The following DOK7 variants were observed in gnomAD, a reference collection of about 807,000 sequenced individuals.
DOK7 encodes the protein docking protein 7.
DOK7 carries 32 observed loss-of-function variants against 30.7 expected under a neutral mutation model. That is an observed-to-expected ratio of 1.04 (90% CI 0.79 to 1.40). DOK7 has a LOEUF of 1.40. DOK7 is among the 40% of genes most tolerant of loss of function. The probability of loss-of-function intolerance (pLI) is 0.00; values close to 1 mark genes in which losing one functional copy is unlikely to be tolerated. For synonymous variants in DOK7, 447 were observed against 324.1 expected (o/e 1.38, Z -4.07); for missense variants, 1,007 against 699.2 (o/e 1.44, Z -4.97).
intron 4 of DOK7, among the ~76,000 whole-genome samples, chr4:3,482,553 T>G (rs924656751): frequency 6.6e-6 from 1 of 152,250 alleles, no homozygotes; most frequent in Non-Finnish European, 1.5e-5. Flanking sequence ...CTGGCTGGCT[T>G]CGATTCCAGG....
chr4:3,468,610 G>A lies in DOK7; in HGVS notation c.101-4796G>A, dbSNP rs369452261. Among the ~76,000 whole-genome samples the A allele has an allele frequency of 4.2e-3, 633 of 151,250 alleles. 7 individuals are homozygous for A. The highest frequency in any genetic ancestry group is 0.014 in the African/African-American group (592 of 41,168). ...TGAGTGTGCGTGTATTGGTGTGTGC[G>A]TGCCTTTGTGTGTGCGTGTGTATAT... On this transcript the variant is annotated intron_variant, in intron 2 of 6. Coordinates refer to ENST00000340083, the MANE Select transcript of DOK7 (RefSeq NM_173660.5).
chr4:3,466,126 A>G (rs1418792101), intron 2 of DOK7, among the ~76,000 whole-genome samples: 1 of 151,232 alleles, frequency 6.6e-6, no homozygotes, highest in Non-Finnish European at 1.5e-5. Flanking sequence ...GGGGAAGCTG[A>G]AACTCAGAAA....
intron 2 of DOK7, among the ~76,000 whole-genome samples, chr4:3,467,243 G>A (rs191706776): frequency 0.014 from 1,972 of 142,556 alleles, 37 homozygotes; most frequent in African/African-American, 0.047. Context: ...GGGCCACCAT[G>A]CCTGCTTGCT....
rs1727737206 is a variant in DOK7 at position 3,485,721 on chromosome 4, G to A, written c.652+63G>A. ...TCGGCAGGCTGTGCGACGTCCCGGGGCGGGGGGCCACAGTGATTTGTCAGC... is the reference window on the plus strand; with the variant it reads ...TCGGCAGGCTGTGCGACGTCCCGGGACGGGGGGCCACAGTGATTTGTCAGC... On this transcript the variant is annotated intron_variant, in intron 5 of 6. Coordinates refer to ENST00000340083, the MANE Select transcript of DOK7 (RefSeq NM_173660.5). 5 of 1,434,572 alleles carry A rather than the reference G, an allele frequency of 3.5e-6. No homozygotes were observed. The African/African-American group carries it at 5.8e-5, about 17-fold the overall frequency. 88.9% of individuals were successfully genotyped at this position (1,434,572 alleles called of 1,614,324 possible). A position where few individuals can be genotyped will look rare whatever the true frequency, so the allele number is the denominator to read the frequency against.
rs373249066 is a variant in DOK7, at chr4:3,478,862, G to A, written c.532+2320G>A. Among the ~76,000 whole-genome samples the A allele has an allele frequency of 3.0e-4, 45 of 152,318 alleles. No individual in the cohort carries two copies. In the South Asian group the frequency reaches 9.3e-3, roughly 32 times the overall value. ...TAGGCTGGGTCTTAGACTCGGCCAAGCGGTGGTGTTCTCAACGCAGCACTG... is the reference window on the plus strand; with the variant it reads ...TAGGCTGGGTCTTAGACTCGGCCAAACGGTGGTGTTCTCAACGCAGCACTG... On this transcript the variant is annotated intron_variant, in intron 4 of 6. Transcript: ENST00000340083.
chr4:3,488,191 G>T (rs958654006), intron 5 of DOK7, among the ~76,000 whole-genome samples: 1 of 152,222 alleles, frequency 6.6e-6, no homozygotes, highest in Admixed American at 6.5e-5. Context: ...GGCTGGCAGG[G>T]CCCCAGGCTG....
chr4:3,493,865 C>T lies in DOK7; in HGVS notation c.*364C>T. The T allele has an allele frequency of 8.8e-7, 1 of 1,136,930 alleles. No individual in the cohort carries two copies. Among genetic ancestry groups the T allele is most frequent in the Non-Finnish European group, 1.1e-6 (1 of 926,120 alleles). The allele number at this position is 1,136,930 out of a possible 1,614,324, so 70.4% of individuals were successfully genotyped here. ...CTGGAGGCCCTGCCGCTGGCCTTGTCCTCCTTGGGCCTCACGCCCCCTTCG... is the reference window on the plus strand; with the variant it reads ...CTGGAGGCCCTGCCGCTGGCCTTGTTCTCCTTGGGCCTCACGCCCCCTTCG... On this transcript the variant is annotated 3_prime_UTR_variant, in exon 7 of 7. Coordinates refer to ENST00000340083, the MANE Select transcript of DOK7 (RefSeq NM_173660.5).
downstream of DOK7, among the ~76,000 whole-genome samples, chr4:3,495,711 A>G (rs928007161): frequency 6.6e-6 from 1 of 152,110 alleles, no homozygotes; most frequent in Non-Finnish European, 1.5e-5. Flanking sequence ...ACGGCCCTGG[A>G]GCACCTGGGC....
Position 3,476,393 on chromosome 4 carries a change from C to G in DOK7, c.383C>G (p.Pro128Arg), listed in dbSNP as rs376659660. 9.9e-6 allele frequency: 16 copies of G among 1,613,106 alleles called. No individual in the cohort carries two copies. In the East Asian group the frequency reaches 2.7e-4, roughly 27 times the overall value. ...CCAGGCACCAAGTTGGAGAGCGGCC[C>G]GGCTACCCTGCACCTCTGCAATGAT... ...VAPGTKLESG[P>R]ATLHLCNDVL... is the part of the protein sequence containing the mutation. Residue 128 changes from proline to arginine, a missense_variant, in exon 4 of 7, where the codon CCG (proline) becomes CGG (arginine). Coordinates refer to ENST00000340083, the MANE Select transcript of DOK7 (RefSeq NM_173660.5).
chr4:3,493,733 C>T lies in DOK7; in HGVS notation c.*232C>T, dbSNP rs965129595. The T allele has an allele frequency of 3.9e-5, 55 of 1,422,160 alleles. No individual in the cohort carries two copies. Among genetic ancestry groups the T allele is most frequent in the Admixed American group, 2.1e-4 (7 of 33,702 alleles). The allele number at this position is 1,422,160 out of a possible 1,614,324, so 88.1% of individuals were successfully genotyped here. A position where few individuals can be genotyped will look rare whatever the true frequency, so the allele number is the denominator to read the frequency against. On this transcript the variant is annotated 3_prime_UTR_variant, in exon 7 of 7. Coordinates refer to ENST00000340083, the MANE Select transcript of DOK7 (RefSeq NM_173660.5). ...GGCTCTGGGTCCGGCAGGTCGGGGT[C>T]ACCAGAGCCCCAATGCTCAGCTGCT...
Position 3,489,682 on chromosome 4 carries a change from A to T in DOK7, c.658A>T (p.Ser220Cys). 6.4e-7 allele frequency: 1 copy of T among 1,566,036 alleles called. No homozygotes were observed. Among genetic ancestry groups the T allele is most frequent in the Non-Finnish European group, 8.7e-7 (1 of 1,155,608 alleles). The change falls in exon 6 of 7, where the codon AGT becomes TGT. Residue 220 changes from serine (S) to cysteine (C), a missense_variant. Transcript: ENST00000340083. ...GAGTCTTCTCTCTGCCACAGACCCA[A>T]GTCCCCCGGGACCCTCGACTGTGGA... ...FGLRPVLPDPSPPGPSTVEER... is the reference protein window; with the variant it reads ...FGLRPVLPDPCPPGPSTVEER...
At chr4:3,485,981 C>T (rs1211365602) in intron 5 of DOK7, among the ~76,000 whole-genome samples, 3 of 151,998 alleles carry the variant, frequency 2.0e-5, no homozygotes, top group Non-Finnish European at 4.4e-5. Context: ...GACCCTCTGA[C>T]CCACCACCAC....
At chr4:3,494,603 C>T (rs571506245), downstream of DOK7, 811 of 849,948 alleles carry the variant, frequency 9.5e-4, no homozygotes, top group Admixed American at 1.6e-3. Flanking sequence ...TCAGAGAGTG[C>T]GAGAGGCCTC....
chr4:3,477,855 G>A lies in DOK7; in HGVS notation c.532+1313G>A, dbSNP rs539241684. On this transcript the variant is annotated intron_variant, in intron 4 of 6. Coordinates refer to ENST00000340083, the MANE Select transcript of DOK7 (RefSeq NM_173660.5). ...GGGGGTGGGGTGGGGGGTGGTTCCC[G>A]GGAGAGCTAGGACACCTGTCGGGGT... 3.6e-3 allele frequency among the ~76,000 whole-genome samples: 554 copies of A among 152,188 alleles called. 2 individuals are homozygous for A. Among genetic ancestry groups the A allele is most frequent in the African/African-American group, 0.013 (520 of 41,504 alleles).
chr4:3,475,297 G>A (rs1233954457), intron 3 of DOK7, among the ~76,000 whole-genome samples: 6 of 152,268 alleles, frequency 3.9e-5, no homozygotes, highest in Admixed American at 1.3e-4. Context: ...GCTGGGCACC[G>A]CCCAGGCAGC....
chr4:3,463,451 G>C (rs1726079112), intron 1 of DOK7, 22 bp downstream of exon 1: 1 of 84,146 alleles, frequency 1.2e-5, no homozygotes, highest in Non-Finnish European at 1.5e-5. Context: ...TCGGGGGCGC[G>C]GGGGGGGGGG....
rs1421378987 is a variant in DOK7 at position 3,484,732 on chromosome 4, C to T, written c.533-807C>T. 1.2e-5 allele frequency: 12 copies of T among 985,420 alleles called. 1 individual carries two copies. The highest frequency in any genetic ancestry group is 1.2e-4 in the Admixed American group (2 of 16,276). The allele number at this position is 985,420 out of a possible 1,614,324, so 61.0% of individuals were successfully genotyped here. Reference sequence around the variant, plus strand: ...GCTGGCCCCAGGATGCTGCACACGGCCTCAGGGCAGCACCCACACACTGGC... The same window carrying T: ...GCTGGCCCCAGGATGCTGCACACGGTCTCAGGGCAGCACCCACACACTGGC... On this transcript the variant is annotated intron_variant, in intron 4 of 6. Coordinates refer to ENST00000340083, the MANE Select transcript of DOK7 (RefSeq NM_173660.5).
In DOK7 at chr4:3,485,537, A is replaced by G; in HGVS notation, c.533-2A>G. On this transcript the variant is annotated splice_acceptor_variant, in intron 4 of 6. Transcript: ENST00000340083. LOFTEE classifies it high-confidence loss of function. ...TGACCTGTCTCTGTCCTTCCTCTGC[A>G]GGGGCTGGCGTCTTCTTCCTGTCCT... 1.3e-6 allele frequency: 2 copies of G among 1,596,778 alleles called. No individual in the cohort carries two copies. The highest frequency in any genetic ancestry group is 1.7e-6 in the Non-Finnish European group (2 of 1,170,132).
chr4:3,463,437 C>A lies in DOK7; in HGVS notation c.54+8C>A. 3.6e-6 allele frequency: 2 copies of A among 552,934 alleles called. No homozygotes were observed. Among genetic ancestry groups the A allele is most frequent in the Non-Finnish European group, 5.3e-6 (2 of 378,610 alleles). The allele number at this position is 552,934 out of a possible 1,614,324, so 34.3% of individuals were successfully genotyped here. On this transcript the variant is annotated splice_region_variant and intron_variant, in intron 1 of 6. Transcript: ENST00000340083. ...CTGCGGGACGGCAAGAAGGTCGGGGCGCGTCGGGGGCGCGGGGGGGGGGGG... is the reference window on the plus strand; with the variant it reads ...CTGCGGGACGGCAAGAAGGTCGGGGAGCGTCGGGGGCGCGGGGGGGGGGGG...
Sources: gnomAD v4.1 joint callset for allele counts (sites outside exome capture counted in the v4.1 genomes callset) on GRCh38, gnomAD v4.1.1 for gene constraint, MANE v1.5 for transcripts, NCBI Gene and HGNC (gene_info 2026-07-23, HGNC 2026-07-21) for gene names.